MANF: variants seen among roughly 807,000 people sequenced by gnomAD.
MANF encodes the protein mesencephalic astrocyte derived neurotrophic factor, also known as mesencephalic astrocyte-derived neurotrophic factor.
In MANF, 9 loss-of-function variants were observed where a neutral mutation model predicts 19.1. The ratio of observed to expected loss-of-function variants is 0.47; its 90% CI spans 0.28 to 0.82. The LOEUF (loss-of-function observed/expected upper bound fraction) is 0.82. MANF is among the 40% of genes least tolerant of loss of function. The pLI, the probability that MANF is intolerant of heterozygous loss-of-function variation, is 0.10. For missense variants in MANF, 225 were observed against 226.7 expected (o/e 0.99, Z 0.05); for synonymous variants, 89 against 88.0 (o/e 1.01, Z -0.06).
At chr3:51,386,814 G>A (rs1016004368) in intron 2 of MANF, 41 of 454,932 alleles carry the variant, frequency 9.0e-5, no homozygotes, top group Non-Finnish European at 1.8e-4. Context: ...CTACAGGATA[G>A]GCAAGGGCCG....
Position 51,385,326 on chromosome 3 carries a change from G to C in MANF, c.-17G>C. The C allele has an allele frequency of 8.3e-7, 1 of 1,203,250 alleles. No individual in the cohort carries two copies. The highest frequency in any genetic ancestry group is 3.2e-5 in the East Asian group (1 of 31,370). 74.5% of individuals were successfully genotyped at this position (1,203,250 alleles called of 1,614,324 possible). A position where few individuals can be genotyped will look rare whatever the true frequency, so the allele number is the denominator to read the frequency against. On this transcript the variant is annotated 5_prime_UTR_variant, in exon 1 of 4. Coordinates refer to ENST00000528157, the MANE Select transcript of MANF (RefSeq NM_006010.6). ...CGGCGGCAGCGGAGGAGGAGGAGGA[G>C]GAGGAGGATGAGGAGGATGAGGAGG...
rs1553620656 is a variant in MANF, at chr3:51,385,327, G to A, written c.-16G>A. On this transcript the variant is annotated 5_prime_UTR_variant, in exon 1 of 4. Transcript: ENST00000528157. ...GGCGGCAGCGGAGGAGGAGGAGGAG[G>A]AGGAGGATGAGGAGGATGAGGAGGA... 9.1e-7 allele frequency: 1 copy of A among 1,098,196 alleles called. No homozygotes were observed. Among genetic ancestry groups the A allele is most frequent in the Non-Finnish European group, 1.2e-6 (1 of 866,764 alleles). 68.0% of individuals were successfully genotyped at this position (1,098,196 alleles called of 1,614,324 possible).
chr3:51,385,916 A>C (rs2088951856), intron 1 of MANF: 2 of 374,966 alleles, frequency 5.3e-6, no homozygotes, highest in African/African-American at 4.1e-5. Flanking sequence ...GTCCCGTCTC[A>C]AGGACACGTG....
chr3:51,385,694 C>A (rs782102238), intron 1 of MANF: 17 of 352,518 alleles, frequency 4.8e-5, no homozygotes, highest in Non-Finnish European at 8.1e-5. Flanking sequence ...AAATCTCCAT[C>A]ACTCCTGAGT....
At chr3:51,388,046 G>A (rs2088979440) in intron 3 of MANF, among the ~76,000 whole-genome samples, 168 bp downstream of exon 3, 1 of 152,156 alleles carries the variant, frequency 6.6e-6, no homozygotes, top group Non-Finnish European at 1.5e-5. Context: ...GTCAGAATAG[G>A]CCTTATTGAA....
Position 51,386,317 on chromosome 3 carries a change from A to G in MANF, c.204A>G (p.Arg68=). 1 of 1,613,934 alleles carries G rather than the reference A, an allele frequency of 6.2e-7. No individual in the cohort carries two copies. The highest frequency in any genetic ancestry group is 8.5e-7 in the Non-Finnish European group (1 of 1,179,816). Residue 68 remains arginine, a synonymous_variant, in exon 2 of 4, where the codon AGA becomes AGG. Coordinates refer to ENST00000528157, the MANE Select transcript of MANF (RefSeq NM_006010.6). ...TTATAAAGTTCTGCCGGGAAGCAAGAGGCAAAGAGAATCGGTTGGTAAGTA... is the reference window on the plus strand; with the variant it reads ...TTATAAAGTTCTGCCGGGAAGCAAGGGGCAAAGAGAATCGGTTGGTAAGTA... ...NELIKFCREA[R]GKENRLCYYI...
chr3:51,385,507 C>G, intron 1 of MANF, 71 bp downstream of exon 1: 2 of 898,434 alleles, frequency 2.2e-6, no homozygotes, highest in Non-Finnish European at 2.9e-6. Flanking sequence ...CACAACATCA[C>G]CAGACGGCCG....
At chr3:51,386,120 T>C in intron 1 of MANF, 88 bp from the exon 2 acceptor site, 1 of 1,387,136 alleles carries the variant, frequency 7.2e-7, no homozygotes, top group East Asian at 2.4e-5. Flanking sequence ...TCTCCGTGTC[T>C]CCTATTAAAA....
Position 51,385,326 on chromosome 3 carries a change from G to A in MANF, c.-17G>A. 1 of 1,203,250 alleles carries A rather than the reference G, an allele frequency of 8.3e-7. No homozygotes were observed. 74.5% of individuals were successfully genotyped at this position (1,203,250 alleles called of 1,614,324 possible). ...CGGCGGCAGCGGAGGAGGAGGAGGA[G>A]GAGGAGGATGAGGAGGATGAGGAGG... On this transcript the variant is annotated 5_prime_UTR_variant, in exon 1 of 4. Coordinates refer to ENST00000528157, the MANE Select transcript of MANF (RefSeq NM_006010.6).
chr3:51,387,529 G>A (rs545003165), intron 2 of MANF, among the ~76,000 whole-genome samples: 1 of 152,172 alleles, frequency 6.6e-6, no homozygotes, highest in South Asian at 2.1e-4. Flanking sequence ...CAGCTACTAG[G>A]GTGGCTGAGA....
rs540965507 is a variant in MANF at position 51,387,741 on chromosome 3, A to G, written c.227A>G (p.Tyr76Cys). ...EARGKENRLCYYIGATDDAAT... is the reference protein window; with the variant it reads ...EARGKENRLCCYIGATDDAAT... ...CATTGTCCTTTATTGCTCCAGTGCT[A>G]CTATATCGGGGCCACAGATGATGCA... Residue 76 changes from tyrosine to cysteine, a missense_variant, in exon 3 of 4, where the codon TAC becomes TGC. Physicochemically the swap from Tyr to Cys is radical, Grantham distance 194. Transcript: ENST00000528157. 7.4e-6 allele frequency: 12 copies of G among 1,611,232 alleles called. No homozygotes were observed. The highest frequency in any genetic ancestry group is 1.1e-5 in the South Asian group (1 of 90,464).
chr3:51,386,452 C>T, intron 2 of MANF, 117 bp downstream of exon 2: 1 of 1,118,720 alleles, frequency 8.9e-7, no homozygotes. Flanking sequence ...CTACTCTCTC[C>T]ATAAACTAAT....
At chr3:51,386,657 TGCTGATTTAGAGTG>T (rs1283911248) in intron 2 of MANF, among the ~76,000 whole-genome samples, 1 of 152,154 alleles carries the variant, frequency 6.6e-6, no homozygotes, top group Non-Finnish European at 1.5e-5. Context: ...GACCAGCAGG[TGCTGATTTAGAGTG>T]GCCAAGAAGT....
At position 51,385,408 on chromosome 3, in the gene MANF, C is replaced by T; in HGVS notation, c.66C>T (p.Ser22=). The change falls in exon 1 of 4, where the codon AGC becomes AGT. Residue 22 remains serine, a synonymous_variant. Transcript: ENST00000528157. The part of the protein sequence containing the change: ...VALALSVLPG[S]RALRPGDCEV... ...TGGCTCTGAGCGTGCTGCCGGGCAG[C>T]CGGGCGCTGCGGCCGGGCGACTGCG... 8.1e-7 allele frequency: 1 copy of T among 1,237,660 alleles called. No homozygotes were observed. The allele number at this position is 1,237,660 out of a possible 1,614,324, so 76.7% of individuals were successfully genotyped here. A position where few individuals can be genotyped will look rare whatever the true frequency, so the allele number is the denominator to read the frequency against.
In MANF at chr3:51,386,018, C is replaced by A; in HGVS notation, c.95-190C>A. ...TTGGTCCTTTGATGCCCTGGGTGTACCAGGGGACCCCCGCCACTTGGAACC... is the reference window on the plus strand; with the variant it reads ...TTGGTCCTTTGATGCCCTGGGTGTAACAGGGGACCCCCGCCACTTGGAACC... On this transcript the variant is annotated intron_variant, in intron 1 of 3. Transcript: ENST00000528157. 5.0e-6 allele frequency: 3 copies of A among 598,738 alleles called. No homozygotes were observed. The Admixed American group carries it at 8.8e-5, about 18-fold the overall frequency. The allele number at this position is 598,738 out of a possible 1,614,324, so 37.1% of individuals were successfully genotyped here.
Position 51,385,349 on chromosome 3 carries a change from A to AGGATGTGGG in MANF, c.8_16dup (p.Trp5_Ala6insGlyMetTrp), listed in dbSNP as rs1378204480. ...GAGGAGGAGGATGAGGAGGATGAGG[A>AGGATGTGGG]GGATGTGGGCCACGCAGGGGCTGGC... On this transcript the variant is annotated inframe_insertion, in exon 1 of 4. Transcript: ENST00000528157. 16 of 1,238,128 alleles carry AGGATGTGGG rather than the reference A, an allele frequency of 1.3e-5. No homozygotes were observed. The highest frequency in any genetic ancestry group is 1.6e-5 in the Non-Finnish European group (16 of 988,722). 76.7% of individuals were successfully genotyped at this position (1,238,128 alleles called of 1,614,324 possible).
chr3:51,386,047 T>G (rs1353283043), intron 1 of MANF, 161 bp from the exon 2 acceptor site: 3 of 705,780 alleles, frequency 4.3e-6, no homozygotes, highest in Non-Finnish European at 6.9e-6. Flanking sequence ...TGGAACCGGG[T>G]TCTGTCTACC....
In MANF at chr3:51,385,330, G is replaced by A. The variant is rs2088930560; in HGVS notation, c.-13G>A. 7.3e-6 allele frequency: 8 copies of A among 1,097,660 alleles called. No homozygotes were observed. The highest frequency in any genetic ancestry group is 8.1e-6 in the Non-Finnish European group (7 of 867,330). The allele number at this position is 1,097,660 out of a possible 1,614,324, so 68.0% of individuals were successfully genotyped here. ...GGCAGCGGAGGAGGAGGAGGAGGAG[G>A]AGGATGAGGAGGATGAGGAGGATGT... On this transcript the variant is annotated 5_prime_UTR_variant, in exon 1 of 4. Coordinates refer to ENST00000528157, the MANE Select transcript of MANF (RefSeq NM_006010.6).
chr3:51,385,310 C>CGGAGGAGGAGGAGGA lies in MANF; in HGVS notation c.-23_-9dup, dbSNP rs1553620634. 9 of 1,154,656 alleles carry CGGAGGAGGAGGAGGA rather than the reference C, an allele frequency of 7.8e-6. No homozygotes were observed. The highest frequency in any genetic ancestry group is 4.3e-5 in the Admixed American group (1 of 23,410). 71.5% of individuals were successfully genotyped at this position (1,154,656 alleles called of 1,614,324 possible). On this transcript the variant is annotated 5_prime_UTR_variant, in exon 1 of 4. The change creates a new upstream start codon in the 5' untranslated region. Transcript: ENST00000528157. ...CGGTTCAGTCGGTCGGCGGCGGCAG[C>CGGAGGAGGAGGAGGA]GGAGGAGGAGGAGGAGGAGGAGGAT...
Sources: gnomAD v4.1 joint callset for allele counts (sites outside exome capture counted in the v4.1 genomes callset) on GRCh38, gnomAD v4.1.1 for gene constraint, MANE v1.5 for transcripts, NCBI Gene and HGNC (gene_info 2026-07-23, HGNC 2026-07-21) for gene names.